Variants in PDE10A observed in about 807,000 individuals in gnomAD.
PDE10A encodes the protein phosphodiesterase 10A.
PDE10A carries 39 observed loss-of-function variants against 97.7 expected under a neutral mutation model. That is an observed-to-expected ratio of 0.40 (90% CI 0.31 to 0.52). PDE10A has a LOEUF of 0.52. Among genes scored for constraint, PDE10A ranks in the 20% least tolerant of loss-of-function variants. The pLI is 0.56. For synonymous variants in PDE10A, 371 were observed against 376.8 expected, an observed-to-expected ratio of 0.98 and a Z score of 0.18; for missense variants, 731 against 1,047.8, an observed-to-expected ratio of 0.70 and a Z score of 4.17.
chr6:165,443,732 G>A (rs937172037), intron 5 of PDE10A, among the ~76,000 whole-genome samples: 2 of 152,174 alleles, frequency 1.3e-5, no homozygotes, highest in Non-Finnish European at 2.9e-5. Flanking sequence ...AAATCTGGGT[G>A]GAGGCTCCCA....
chr6:165,796,135 A>G (rs1288980384), intron 1 of PDE10A, among the ~76,000 whole-genome samples: 3 of 118,258 alleles, frequency 2.5e-5, no homozygotes, highest in Non-Finnish European at 4.8e-5. Context: ...TTGATCTGTC[A>G]CCCAGGCCGG....
intron 1 of PDE10A, among the ~76,000 whole-genome samples, chr6:165,669,649 C>G (rs1420503287): frequency 6.6e-6 from 1 of 152,166 alleles, no homozygotes; most frequent in Non-Finnish European, 1.5e-5. Flanking sequence ...TTATGACTTA[C>G]TGGTGGCATG....
chr6:165,568,349 G>T (rs1011257159), intron 1 of PDE10A, among the ~76,000 whole-genome samples: 1 of 151,906 alleles, frequency 6.6e-6, no homozygotes, highest in Non-Finnish European at 1.5e-5. Context: ...CTTATCCACG[G>T]TTTCACTTTC....
intron 1 of PDE10A, among the ~76,000 whole-genome samples, chr6:165,618,768 T>C (rs1428920175): frequency 6.6e-6 from 1 of 152,212 alleles, no homozygotes; most frequent in East Asian, 1.9e-4. Context: ...AGAAACCTTG[T>C]TCACAAGAGA....
chr6:165,390,916 T>C (rs1425537003), intron 16 of PDE10A, among the ~76,000 whole-genome samples: 1 of 152,226 alleles, frequency 6.6e-6, no homozygotes, highest in Non-Finnish European at 1.5e-5. Flanking sequence ...GAATTAATTA[T>C]GTTGTTAGTA....
intron 13 of PDE10A, among the ~76,000 whole-genome samples, chr6:165,407,117 A>G (rs1002682822): frequency 6.6e-6 from 1 of 152,156 alleles, no homozygotes; most frequent in Admixed American, 6.5e-5. Context: ...TCGTGTATCT[A>G]TTCATCTATA....
intron 2 of PDE10A, among the ~76,000 whole-genome samples, chr6:165,500,184 C>A (rs1368276642): frequency 6.6e-6 from 1 of 151,924 alleles, no homozygotes; most frequent in East Asian, 1.9e-4. Flanking sequence ...CACATACATA[C>A]TAATAACATA....
chr6:165,734,666 G>A (rs537409156), intron 1 of PDE10A, among the ~76,000 whole-genome samples: 25 of 152,222 alleles, frequency 1.6e-4, no homozygotes, highest in South Asian at 1.2e-3. Context: ...GGACTGAGGC[G>A]TCCCCAGAGT....
chr6:165,790,735 A>C (rs913079876), intron 1 of PDE10A, among the ~76,000 whole-genome samples: 1 of 152,106 alleles, frequency 6.6e-6, no homozygotes, highest in African/African-American at 2.4e-5. Flanking sequence ...TCACGTCCCA[A>C]GAAGGTCACG....
At chr6:165,666,177 T>TA (rs1790492176), upstream of PDE10A, among the ~76,000 whole-genome samples, 1 of 152,232 alleles carries the variant, frequency 6.6e-6, no homozygotes. Context: ...TTTTGGTAAA[T>TA]ATGCAAATCT....
chr6:165,619,437 G>C (rs1787968066), intron 1 of PDE10A, among the ~76,000 whole-genome samples: 3 of 66,254 alleles, frequency 4.5e-5, no homozygotes, highest in East Asian at 4.4e-4. Flanking sequence ...GTATAGTGTA[G>C]TGTAGTATAG....
At chr6:165,517,549 A>G (rs1183503987) in intron 2 of PDE10A, among the ~76,000 whole-genome samples, 1 of 152,224 alleles carries the variant, frequency 6.6e-6, no homozygotes, top group Non-Finnish European at 1.5e-5. Flanking sequence ...ATTGTGGTAC[A>G]TCCATACAAC....
At chr6:165,586,676 A>G (rs748846137) in intron 1 of PDE10A, among the ~76,000 whole-genome samples, 1 of 152,202 alleles carries the variant, frequency 6.6e-6, no homozygotes, top group Non-Finnish European at 1.5e-5. Context: ...TTTACTAAGA[A>G]AACCACAAGT....
chr6:165,562,721 T>A (rs915966620), intron 1 of PDE10A, among the ~76,000 whole-genome samples: 5 of 152,132 alleles, frequency 3.3e-5, no homozygotes, highest in Non-Finnish European at 4.4e-5. Context: ...GGCCTAAAGA[T>A]CCTTGAGGAA....
At chr6:165,949,814 C>A (rs890118744) in intron 1 of PDE10A, 7 of 152,128 alleles carry the variant, frequency 4.6e-5, no homozygotes, top group Non-Finnish European at 8.8e-5. Flanking sequence ...AATGGAAAAA[C>A]GAACACATCC....
chr6:165,652,335 C>T (rs1036858278), intron 1 of PDE10A, among the ~76,000 whole-genome samples: 2 of 151,842 alleles, frequency 1.3e-5, no homozygotes, highest in African/African-American at 2.4e-5. Context: ...TGGCTCACTG[C>T]AGCCTCAACC....
intron 1 of PDE10A, among the ~76,000 whole-genome samples, chr6:165,919,171 C>T (rs747342210): frequency 8.5e-5 from 13 of 152,176 alleles, no homozygotes; most frequent in African/African-American, 1.4e-4. Flanking sequence ...GGAATTCTTC[C>T]GAGATGGCAA....
intron 1 of PDE10A, among the ~76,000 whole-genome samples, chr6:165,975,719 C>T (rs565839219): frequency 6.6e-6 from 1 of 152,348 alleles, no homozygotes; most frequent in South Asian, 2.1e-4. Flanking sequence ...GTTCCTGAGA[C>T]ACCATGTGTC....
chr6:165,527,476 C>A (rs1441170384), intron 2 of PDE10A, among the ~76,000 whole-genome samples: 2 of 152,156 alleles, frequency 1.3e-5, no homozygotes, highest in Admixed American at 6.5e-5. Context: ...CAGCGGAGGC[C>A]TCTAGGATTT....
Sources: gnomAD v4.1 joint callset for allele counts (sites outside exome capture counted in the v4.1 genomes callset) on GRCh38, gnomAD v4.1.1 for gene constraint, MANE v1.5 for transcripts, NCBI Gene and HGNC (gene_info 2026-07-23, HGNC 2026-07-21) for gene names.